SGO1: variants seen among roughly 807,000 people sequenced by gnomAD.
The protein encoded by SGO1 is shugoshin 1, also known as serologically defined breast cancer antigen NY-BR-85.
A neutral mutation model predicts 50.5 loss-of-function variants in SGO1; 39 were observed. That is an observed-to-expected ratio of 0.77 (90% confidence interval 0.60 to 1.01). The LOEUF is 1.01. SGO1 is among the 50% of genes least tolerant of loss of function. The pLI, the probability that SGO1 is intolerant of heterozygous loss-of-function variation, is 0.00. For synonymous variants in SGO1, 191 were observed against 205.1 expected, an observed-to-expected ratio of 0.93 and a Z score of 0.59; for missense variants, 638 against 606.0, an observed-to-expected ratio of 1.05 and a Z score of -0.55.
rs765473832 is a variant in SGO1, at chr3:20,171,138, A to C, written c.1377T>G (p.Ser459=). Residue 459 remains serine (S), a synonymous_variant, in exon 7 of 8, where the codon TCT becomes TCG. Coordinates refer to ENST00000412997, the MANE Select transcript of SGO1 (RefSeq NM_001199251.3). ...LYPVVKIRRL[S]LSPKKNKASP... ...TTGCTTTATTCTTTTTTGGAGAAAG[A>C]GAAAGTCTTCTGATTTTCACAACAG... 2.5e-6 allele frequency: 4 copies of C among 1,613,336 alleles called. No homozygotes were observed. In the Admixed American group the frequency reaches 6.7e-5, roughly 27 times the overall value.
At chr3:20,182,115 C>G (rs552682083) in intron 3 of SGO1, among the ~76,000 whole-genome samples, 1 of 151,728 alleles carries the variant, frequency 6.6e-6, no homozygotes, top group Non-Finnish European at 1.5e-5. Flanking sequence ...ACATAAAGTT[C>G]CCGTGAAGAA....
chr3:20,169,237 C>T, downstream of SGO1: 1 of 985,120 alleles, frequency 1.0e-6, no homozygotes, highest in Non-Finnish European at 1.2e-6. Flanking sequence ...ATTTGTTAAT[C>T]ATGAACTGGG....
chr3:20,163,681 TA>T (rs1700155488), intron 8 of SGO1, among the ~76,000 whole-genome samples: 1 of 152,140 alleles, frequency 6.6e-6, no homozygotes, highest in Non-Finnish European at 1.5e-5. Context: ...TATCTTTGGG[TA>T]AACGCTGCAG....
At chr3:20,160,927 G>C in exon 9 of SGO1, 1 of 858,536 alleles carries the variant, frequency 1.2e-6, no homozygotes, top group Non-Finnish European at 1.7e-6. Context: ...CCCTGGGAAA[G>C]TTGCTATCTC....
At chr3:20,184,926 C>CA (rs60350092) in intron 1 of SGO1, among the ~76,000 whole-genome samples, 19,212 of 149,852 alleles carry the variant, frequency 0.13, 1,419 homozygotes, top group East Asian at 0.21. Context: ...CTTAAAATTG[C>CA]AAAAAAAAAA....
At chr3:20,184,987 T>A (rs920222608) in intron 1 of SGO1, among the ~76,000 whole-genome samples, 1 of 152,160 alleles carries the variant, frequency 6.6e-6, no homozygotes, top group Non-Finnish European at 1.5e-5. Flanking sequence ...ACAAAGGATA[T>A]CTTCATCTCC....
At chr3:20,173,708 G>T (rs1028609002) in intron 6 of SGO1, among the ~76,000 whole-genome samples, 1 of 152,128 alleles carries the variant, frequency 6.6e-6, no homozygotes, top group African/African-American at 2.4e-5. Flanking sequence ...GTTGTATTAC[G>T]AACATTTGAA....
downstream of SGO1, among the ~76,000 whole-genome samples, chr3:20,165,089 G>A (rs1575177534): frequency 1.3e-5 from 2 of 152,194 alleles, no homozygotes; most frequent in East Asian, 3.8e-4. Flanking sequence ...TGTTTATTTG[G>A]CTTACAATTC....
chr3:20,170,888 A>G, intron 7 of SGO1, 73 bp from the exon 8 acceptor site: 1 of 1,523,248 alleles, frequency 6.6e-7, no homozygotes, highest in Non-Finnish European at 8.8e-7. Context: ...CTACCAAGTT[A>G]TGGTAAAACA....
At chr3:20,164,070 C>A (rs1409207467) in intron 8 of SGO1, among the ~76,000 whole-genome samples, 1 of 152,160 alleles carries the variant, frequency 6.6e-6, no homozygotes, top group African/African-American at 2.4e-5. Flanking sequence ...GACTTGTGAA[C>A]CCCTTTTATG....
chr3:20,165,051 C>T (rs117831355), downstream of SGO1, among the ~76,000 whole-genome samples: 1,244 of 152,176 alleles, frequency 8.2e-3, 102 homozygotes, highest in South Asian at 0.17. Flanking sequence ...AAGGAATACC[C>T]GAAGCTGGAT....
Position 20,183,603 on chromosome 3 carries a change from A to C in SGO1, c.339+5T>G. ...TAAGAAATTCGGCCTTAGTAATGAA[A>C]ATACCTGAGCAGGTTCTACTGTTTG... On this transcript the variant is annotated splice_donor_5th_base_variant and intron_variant, in intron 3 of 7. Transcript: ENST00000412997. The C allele has an allele frequency of 6.4e-7, 1 of 1,565,150 alleles. No homozygotes were observed. The highest frequency in any genetic ancestry group is 1.2e-5 in the South Asian group (1 of 83,384).
downstream of SGO1, among the ~76,000 whole-genome samples, chr3:20,168,427 C>CTTT (rs112112060): frequency 1.5e-5 from 2 of 135,056 alleles, no homozygotes; most frequent in Non-Finnish European, 3.2e-5. Flanking sequence ...CAAATGTTTG[C>CTTT]TTTTTTTTTT....
chr3:20,178,482 G>A (rs1701646745), intron 3 of SGO1, 135 bp from the exon 4 acceptor site: 2 of 630,574 alleles, frequency 3.2e-6, no homozygotes, highest in Non-Finnish European at 5.6e-6. Context: ...GACTATAACA[G>A]CTCAAAAGCA....
chr3:20,179,590 A>C (rs187998393), intron 3 of SGO1, among the ~76,000 whole-genome samples: 1 of 152,092 alleles, frequency 6.6e-6, no homozygotes, highest in Admixed American at 6.6e-5. Flanking sequence ...ACAACTGGCT[A>C]ATTTTTATTT....
At chr3:20,178,616 G>A (rs1701661649) in intron 3 of SGO1, among the ~76,000 whole-genome samples, 1 of 152,208 alleles carries the variant, frequency 6.6e-6, no homozygotes. Context: ...CCAGTGTGAG[G>A]TGATAGAGAG....
At chr3:20,175,148 A>G (rs1232721354) in intron 5 of SGO1, 93 bp from the exon 6 acceptor site, 3 of 1,258,694 alleles carry the variant, frequency 2.4e-6, no homozygotes, top group East Asian at 5.5e-5. Flanking sequence ...AAAGTGAATG[A>G]CCAAAAGGTC....
Position 20,170,100 on chromosome 3 carries a change from T to C in SGO1, c.*604A>G, listed in dbSNP as rs1234859814. The C allele has an allele frequency of 4.1e-5, 40 of 985,144 alleles. No individual in the cohort carries two copies. The highest frequency in any genetic ancestry group is 4.3e-5 in the Non-Finnish European group (36 of 829,780). 61.0% of individuals were successfully genotyped at this position (985,144 alleles called of 1,614,324 possible). On this transcript the variant is annotated 3_prime_UTR_variant, in exon 8 of 8. Coordinates refer to ENST00000412997, the MANE Select transcript of SGO1 (RefSeq NM_001199251.3). ...GAGTAATCATTATTCATTTCTACAATGTTTGTATAAGATACATTTTGGGCT... is the reference window on the plus strand; with the variant it reads ...GAGTAATCATTATTCATTTCTACAACGTTTGTATAAGATACATTTTGGGCT...
chr3:20,172,267 C>T lies in SGO1; in HGVS notation c.1283-1035G>A, dbSNP rs141889438. On this transcript the variant is annotated intron_variant, in intron 6 of 7. Transcript: ENST00000412997. ...CAGTAATCCCAGCACTTAGGGAGGC[C>T]GAGGTGGGCGGATCACCTGAGGTTG... Among the ~76,000 whole-genome samples, 1,157 of 152,184 alleles carry T rather than the reference C, an allele frequency of 7.6e-3. 11 individuals carry two copies. Among genetic ancestry groups the T allele is most frequent in the African/African-American group, 0.026 (1,078 of 41,540 alleles).
Sources: gnomAD v4.1 joint callset for allele counts (sites outside exome capture counted in the v4.1 genomes callset) on GRCh38, gnomAD v4.1.1 for gene constraint, MANE v1.5 for transcripts, NCBI Gene and HGNC (gene_info 2026-07-23, HGNC 2026-07-21) for gene names.